RP1L1: variants seen among roughly 807,000 people sequenced by gnomAD.
RP1L1 encodes the protein RP1 like 1, also known as retinitis pigmentosa 1-like 1 protein.
A neutral mutation model predicts 15.7 loss-of-function variants in RP1L1; 27 were observed. That is an observed-to-expected ratio of 1.72 (90% CI 1.27 to 2.38). The LOEUF is 2.38. RP1L1 is among the 30% of genes most tolerant of loss of function. The pLI is 0.00. For synonymous variants in RP1L1, 1,813 were observed against 1,276.7 expected (o/e 1.42, Z -8.96); for missense variants, 4,798 against 3,075.9 (o/e 1.56, Z -13.24).
intron 1 of RP1L1, among the ~76,000 whole-genome samples, chr8:10,643,425 G>A (rs918018167): frequency 6.6e-6 from 1 of 152,182 alleles, no homozygotes; most frequent in African/African-American, 2.4e-5. Flanking sequence ...GTCGGTCTCA[G>A]TGTTAGTTCT....
At chr8:10,636,720 C>T (rs547869553) in intron 1 of RP1L1, among the ~76,000 whole-genome samples, 9 of 152,368 alleles carry the variant, frequency 5.9e-5, no homozygotes, top group Admixed American at 3.3e-4. Flanking sequence ...AGGAGGGCAG[C>T]GGTCAAGCAA....
chr8:10,606,543 G>A lies in RP1L1; in HGVS notation c.*352C>T. The stretch of plus-strand genomic sequence containing the variant: ...AAAAGACAGAGAGCAACACTTGCTA[G>A]CAGAAAACAAACCCACAAACAAAAG... On this transcript the variant is annotated 3_prime_UTR_variant, in exon 4 of 4. Coordinates refer to ENST00000382483, the MANE Select transcript of RP1L1 (RefSeq NM_178857.6). 1 of 294,116 alleles carries A rather than the reference G, an allele frequency of 3.4e-6. No homozygotes were observed. The highest frequency in any genetic ancestry group is 6.4e-6 in the Non-Finnish European group (1 of 156,008). 18.2% of individuals were successfully genotyped at this position (294,116 alleles called of 1,614,324 possible). A position where few individuals can be genotyped will look rare whatever the true frequency, so the allele number is the denominator to read the frequency against.
chr8:10,619,994 G>A (rs976305484), intron 2 of RP1L1, among the ~76,000 whole-genome samples: 1 of 151,590 alleles, frequency 6.6e-6, no homozygotes, highest in Admixed American at 6.6e-5. Flanking sequence ...TGTTGAGAGA[G>A]GATTCTGTTT....
In RP1L1 at chr8:10,606,555, C is replaced by T; in HGVS notation, c.*340G>A. On this transcript the variant is annotated 3_prime_UTR_variant, in exon 4 of 4. Coordinates refer to ENST00000382483, the MANE Select transcript of RP1L1 (RefSeq NM_178857.6). ...GCAACACTTGCTAGCAGAAAACAAA[C>T]CCACAAACAAAAGCTAAACTGGAGC... is the stretch of plus-strand genomic sequence containing the variant. 1 of 311,510 alleles carries T rather than the reference C, an allele frequency of 3.2e-6. No individual in the cohort carries two copies. Among genetic ancestry groups the T allele is most frequent in the Non-Finnish European group, 6.0e-6 (1 of 167,052 alleles). The allele number at this position is 311,510 out of a possible 1,614,324, so 19.3% of individuals were successfully genotyped here. A position where few individuals can be genotyped will look rare whatever the true frequency, so the allele number is the denominator to read the frequency against.
At chr8:10,632,080 G>T (rs1371425291) in intron 1 of RP1L1, among the ~76,000 whole-genome samples, 3 of 152,154 alleles carry the variant, frequency 2.0e-5, no homozygotes, top group African/African-American at 7.2e-5. Flanking sequence ...AGGTCCTGTC[G>T]AGGAAGCAAA....
Position 10,610,573 on chromosome 8 carries a change from G to C in RP1L1, c.3525C>G (p.Leu1175=). ...GGTCTGGCAGAGCCTGGCTCCATGTGAGCTCCCAGAGGCCTGAGTCCAGCT... is the reference window on the plus strand; with the variant it reads ...GGTCTGGCAGAGCCTGGCTCCATGTCAGCTCCCAGAGGCCTGAGTCCAGCT... The part of the protein sequence containing the change: ...EDQLDSGLWE[L]TWSQALPDLG... The change falls in exon 4 of 4, where the codon CTC becomes CTG. Residue 1175 remains leucine, a synonymous_variant. Coordinates refer to ENST00000382483, the MANE Select transcript of RP1L1 (RefSeq NM_178857.6). The C allele has an allele frequency of 6.2e-7, 1 of 1,613,672 alleles. No homozygotes were observed. The highest frequency in any genetic ancestry group is 8.5e-7 in the Non-Finnish European group (1 of 1,180,032).
rs1797793341 is a variant in RP1L1 at position 10,609,735 on chromosome 8, T to C, written c.4363A>G (p.Ser1455Gly). 2 of 1,613,406 alleles carry C rather than the reference T, an allele frequency of 1.2e-6. No individual in the cohort carries two copies. Among genetic ancestry groups the C allele is most frequent in the Non-Finnish European group, 1.7e-6 (2 of 1,179,684 alleles). ...CTTGGGTCCGTCTCGCTGAGATGAC[T>C]AGGGGGCTCTGTGGGTTCCTCTGTG... Reference protein sequence around the residue: ...EGTEEPTEPPSHLSETDPSAS... With the variant: ...EGTEEPTEPPGHLSETDPSAS... Residue 1455 changes from serine to glycine, a missense_variant, in exon 4 of 4, where the codon AGT (serine) becomes GGT (glycine). Ser to Gly is a moderately conservative substitution (Grantham distance 56). Transcript: ENST00000382483.
intron 1 of RP1L1, among the ~76,000 whole-genome samples, chr8:10,647,038 T>A (rs116354165): frequency 2.6e-5 from 4 of 152,290 alleles, no homozygotes; most frequent in African/African-American, 9.6e-5. Context: ...CACGAGGGGC[T>A]ATAAAGGCCA....
intron 1 of RP1L1, among the ~76,000 whole-genome samples, chr8:10,652,794 T>A (rs1798581982): frequency 1.3e-5 from 2 of 152,206 alleles, no homozygotes; most frequent in Non-Finnish European, 2.9e-5. Flanking sequence ...TCCCGTCCTC[T>A]GTGCGTACCT....
chr8:10,650,196 C>G (rs751598111), intron 1 of RP1L1, among the ~76,000 whole-genome samples: 7 of 152,142 alleles, frequency 4.6e-5, no homozygotes, highest in Non-Finnish European at 7.3e-5. Flanking sequence ...CAAGAGAATC[C>G]CAGAGTCTCT....
Position 10,639,137 on chromosome 8 carries a change from G to A in RP1L1, c.-20+15761C>T, listed in dbSNP as rs1480721574. 5.3e-5 allele frequency among the ~76,000 whole-genome samples: 8 copies of A among 150,024 alleles called. No homozygotes were observed. The East Asian group carries it at 9.8e-4, about 18-fold the overall frequency. On this transcript the variant is annotated intron_variant, in intron 1 of 3. Coordinates refer to ENST00000382483, the MANE Select transcript of RP1L1 (RefSeq NM_178857.6). ...CTAGCCTGGATGACAGGGTGAGACTGTCTCAAAAAAAAAAAAGAAAAGAAA... is the reference window on the plus strand; with the variant it reads ...CTAGCCTGGATGACAGGGTGAGACTATCTCAAAAAAAAAAAAGAAAAGAAA...
At chr8:10,633,494 A>G (rs980141610) in intron 1 of RP1L1, among the ~76,000 whole-genome samples, 2 of 152,206 alleles carry the variant, frequency 1.3e-5, no homozygotes, top group Admixed American at 1.3e-4. Flanking sequence ...CACCACTCCC[A>G]TCCGTGCAAC....
chr8:10,614,583 C>T (rs561810839), intron 3 of RP1L1, among the ~76,000 whole-genome samples: 1 of 151,252 alleles, frequency 6.6e-6, no homozygotes, highest in African/African-American at 2.4e-5. Context: ...ATCACTTGAA[C>T]CCGAGAGGCG....
rs575228025 is a variant in RP1L1 at position 10,623,158 on chromosome 8, T to C, written c.44A>G (p.Glu15Gly). The C allele has an allele frequency of 1.3e-5, 20 of 1,590,942 alleles. No homozygotes were observed. The South Asian group carries it at 2.1e-4, about 17-fold the overall frequency. ...PRNAQAPSHR[E>G]CFLPSVARTP... is the part of the protein sequence containing the mutation. ...GCGAGCCACAGAGGGCAGGAAGCACTCACGGTGGCTCGGGGCCTGGGCATT... is the reference window on the plus strand; with the variant it reads ...GCGAGCCACAGAGGGCAGGAAGCACCCACGGTGGCTCGGGGCCTGGGCATT... The change falls in exon 2 of 4, where the codon GAG (glutamate) becomes GGG (glycine). Residue 15 changes from glutamate (E) to glycine (G), a missense_variant. Transcript: ENST00000382483.
chr8:10,609,190 C>G lies in RP1L1; in HGVS notation c.4908G>C (p.Glu1636Asp), dbSNP rs767310527. The change falls in exon 4 of 4, where the codon GAG (glutamate) becomes GAC (aspartate). Residue 1636 changes from glutamate to aspartate, a missense_variant. Glu to Asp is a conservative substitution (Grantham distance 45). Transcript: ENST00000382483. Reference protein sequence around the residue: ...LGPLSFTLEDEPALSTALGSQ... With the variant: ...LGPLSFTLEDDPALSTALGSQ... ...TCCCCAGGGCTGTGCTGAGGGCTGG[C>G]TCGTCCTCCAGGGTGAAGGAGAGGG... 2.5e-6 allele frequency: 4 copies of G among 1,611,524 alleles called. No homozygotes were observed. The South Asian group carries it at 3.3e-5, about 13-fold the overall frequency.
rs760615743 is a variant in RP1L1 at position 10,610,076 on chromosome 8, GTT to G, written c.4020_4021del (p.Glu1340AspfsTer2). 8.3e-4 allele frequency: 1,227 copies of G among 1,480,458 alleles called. 8 individuals carry two copies. Among genetic ancestry groups the G allele is most frequent in the Admixed American group, 2.8e-3 (142 of 50,804 alleles). The allele number at this position is 1,480,458 out of a possible 1,614,324, so 91.7% of individuals were successfully genotyped here. On this transcript the variant is annotated frameshift_variant, in exon 4 of 4. Transcript: ENST00000382483. LOFTEE classifies it low-confidence loss of function (END_TRUNC). ...CTGTCCTTCTCCTTCTGTTTCTTTA[GTT>G]TCCTCTAACTGCACCCCCTCTTCTT...
At position 10,612,598 on chromosome 8, in the gene RP1L1, A is replaced by T; in HGVS notation, c.1500T>A (p.Gly500=). 6.2e-7 allele frequency: 1 copy of T among 1,603,498 alleles called. No individual in the cohort carries two copies. The highest frequency in any genetic ancestry group is 8.5e-7 in the Non-Finnish European group (1 of 1,179,438). Residue 500 remains glycine, a synonymous_variant, in exon 4 of 4, where the codon GGT becomes GGA. Transcript: ENST00000382483. ...CATCTATGCATAGGCCGGGGTCCTC[A>T]CCCAGGCTCCCTCCAGCTTTCCGCT... ...GAERKAGGSL[G]EDPGLCIDGA... is the part of the protein sequence containing the mutation.
intron 1 of RP1L1, among the ~76,000 whole-genome samples, chr8:10,633,703 A>T (rs1798287412): frequency 6.6e-6 from 1 of 152,168 alleles, no homozygotes; most frequent in Non-Finnish European, 1.5e-5. Context: ...CCAGGGCGTG[A>T]CTGAAGCTGC....
rs1233067413 is a variant in RP1L1 at position 10,610,802 on chromosome 8, C to T, written c.3296G>A (p.Ser1099Asn). ...LMGSKQGRPS[S>N]VPEVSRPMAR... ...CATGGGCCTAGACACTTCGGGCACG[C>T]TGCTGGGCCGGCCCTGCTTGGAGCC... The change falls in exon 4 of 4, where the codon AGC becomes AAC. Residue 1099 changes from serine (S) to asparagine (N), a missense_variant. Physicochemically the swap from Ser to Asn is conservative, Grantham distance 46. Transcript: ENST00000382483. 6.2e-7 allele frequency: 1 copy of T among 1,609,984 alleles called. No homozygotes were observed. Among genetic ancestry groups the T allele is most frequent in the Non-Finnish European group, 8.5e-7 (1 of 1,177,712 alleles).
Sources: gnomAD v4.1 joint callset for allele counts (sites outside exome capture counted in the v4.1 genomes callset) on GRCh38, gnomAD v4.1.1 for gene constraint, MANE v1.5 for transcripts, NCBI Gene and HGNC (gene_info 2026-07-23, HGNC 2026-07-21) for gene names.